MCTP1: variants seen among roughly 807,000 people sequenced by gnomAD.
MCTP1 encodes multiple C2 and transmembrane domain containing 1, also known as multiple C2 and transmembrane domain-containing protein 1.
In MCTP1, 69 loss-of-function variants were observed where a neutral mutation model predicts 120.6. The observed-to-expected ratio is 0.57, with a 90% confidence interval of 0.47 to 0.70. The LOEUF (loss-of-function observed/expected upper bound fraction) is 0.70, where lower values mean the gene tolerates loss of function less well. Ranked by LOEUF, MCTP1 falls within the 30% of genes least tolerant of loss-of-function variation. MCTP1 has a pLI of 0.00. For missense variants in MCTP1, 1,203 were observed against 1,248.8 expected (o/e 0.96, Z 0.55); for synonymous variants, 529 against 493.1 (o/e 1.07, Z -0.96).
At chr5:95,037,207 C>T (rs1471821645) in intron 1 of MCTP1, among the ~76,000 whole-genome samples, 1 of 152,176 alleles carries the variant, frequency 6.6e-6, no homozygotes, top group Admixed American at 6.5e-5. Context: ...CCAACAATTA[C>T]ACCTGGACCC....
intron 1 of MCTP1, among the ~76,000 whole-genome samples, chr5:95,086,251 T>C (rs1755435598): frequency 6.6e-6 from 1 of 152,166 alleles, no homozygotes; most frequent in Non-Finnish European, 1.5e-5. Context: ...ATCGGCTATG[T>C]ACCCCCGTAC....
At chr5:95,014,839 T>G (rs897980855) in intron 2 of MCTP1, among the ~76,000 whole-genome samples, 3 of 152,102 alleles carry the variant, frequency 2.0e-5, no homozygotes, top group Non-Finnish European at 4.4e-5. Context: ...CAGATAAACC[T>G]TTTGTGAAAG....
chr5:94,897,319 C>T (rs890366281), intron 10 of MCTP1, among the ~76,000 whole-genome samples: 1 of 151,300 alleles, frequency 6.6e-6, no homozygotes, highest in African/African-American at 2.4e-5. Flanking sequence ...AGCAATCCAC[C>T]TGGCTCGGCA....
chr5:94,833,207 T>C (rs1788962016), intron 17 of MCTP1, among the ~76,000 whole-genome samples: 1 of 152,038 alleles, frequency 6.6e-6, no homozygotes, highest in Non-Finnish European at 1.5e-5. Context: ...GTGTGCTTTT[T>C]TTTTGGCATT....
intron 1 of MCTP1, among the ~76,000 whole-genome samples, chr5:95,233,380 G>C (rs947609371): frequency 2.6e-5 from 4 of 150,972 alleles, no homozygotes; most frequent in Admixed American, 1.3e-4. Flanking sequence ...CTAGGCTGGA[G>C]TGCAGTGGCA....
chr5:94,997,352 G>A (rs1832809225), intron 2 of MCTP1, among the ~76,000 whole-genome samples: 1 of 152,044 alleles, frequency 6.6e-6, no homozygotes, highest in Non-Finnish European at 1.5e-5. Flanking sequence ...CCTTTCCTAG[G>A]AACATCAGAT....
chr5:95,116,580 A>G (rs1757840189), intron 1 of MCTP1, among the ~76,000 whole-genome samples: 1 of 151,886 alleles, frequency 6.6e-6, no homozygotes, highest in Middle Eastern at 3.2e-3. Context: ...AAGAATTCCA[A>G]TGGTAGTTTA....
intron 1 of MCTP1, among the ~76,000 whole-genome samples, chr5:95,034,797 G>A (rs1840952237): frequency 6.6e-6 from 1 of 152,018 alleles, no homozygotes; most frequent in African/African-American, 2.4e-5. Flanking sequence ...TATGGAATGG[G>A]AGAAAATATT....
intron 17 of MCTP1, among the ~76,000 whole-genome samples, chr5:94,857,782 A>T (rs1794979039): frequency 6.6e-6 from 1 of 151,702 alleles, no homozygotes; most frequent in Non-Finnish European, 1.5e-5. Context: ...ATGTATAGCA[A>T]ACTATACCTC....
intron 2 of MCTP1, among the ~76,000 whole-genome samples, chr5:94,987,250 T>C (rs1342528981): frequency 6.6e-6 from 1 of 152,162 alleles, no homozygotes; most frequent in Non-Finnish European, 1.5e-5. Flanking sequence ...TTTTATACTA[T>C]ATTTGATAGC....
intron 6 of MCTP1, 24 bp from the exon 7 acceptor site, chr5:94,924,045 T>TAC: frequency 7.4e-7 from 1 of 1,344,850 alleles, no homozygotes; most frequent in Admixed American, 2.7e-5. Context: ...AATATTTAGC[T>TAC]ACATTTTGAG....
At chr5:94,711,006 T>G in intron 20 of MCTP1, 79 bp from the exon 21 acceptor site, 1 of 955,696 alleles carries the variant, frequency 1.0e-6, no homozygotes, top group African/African-American at 1.6e-5. Flanking sequence ...GATTCTAACT[T>G]GGGACCTAGT....
Position 94,726,800 on chromosome 5 carries a change from T to C in MCTP1, c.2611-11914A>G, listed in dbSNP as rs1038394384. On this transcript the variant is annotated intron_variant, in intron 19 of 22. Transcript: ENST00000515393. ...TATAACCCATGTCTCATGGTTGAAA[T>C]TGGGCTCCTTTCAGGTCACTGTCAA... Among the ~76,000 whole-genome samples the C allele has an allele frequency of 5.3e-5, 8 of 152,306 alleles. 1 individual carries two copies. Among genetic ancestry groups the C allele is most frequent in the South Asian group, 4.1e-4 (2 of 4,826 alleles).
At chr5:95,074,030 C>T (rs955479941) in intron 1 of MCTP1, among the ~76,000 whole-genome samples, 3 of 152,090 alleles carry the variant, frequency 2.0e-5, no homozygotes, top group Admixed American at 6.5e-5. Context: ...GCAGAAGAAT[C>T]GCTTGAACCT....
At position 95,107,655 on chromosome 5, in the gene MCTP1, G is replaced by A. The variant is rs1437049884; in HGVS notation, c.721-90171C>T. Among the ~76,000 whole-genome samples the A allele has an allele frequency of 2.0e-5, 3 of 152,146 alleles. No homozygotes were observed. In the East Asian group the frequency reaches 5.8e-4, roughly 29 times the overall value. On this transcript the variant is annotated intron_variant, in intron 1 of 22. Coordinates refer to ENST00000515393, the MANE Select transcript of MCTP1 (RefSeq NM_024717.7). ...AGTTTTTAAATACCATTCCTCAGGT[G>A]CCATGTGTCCACAAATATTAATCTA...
intron 10 of MCTP1, among the ~76,000 whole-genome samples, chr5:94,903,634 A>G (rs150868132): frequency 1.3e-5 from 2 of 152,332 alleles, no homozygotes; most frequent in Admixed American, 1.3e-4. Context: ...CCTTGACTCA[A>G]GCGTACATTG....
At chr5:94,770,939 A>G (rs1409241893) in intron 19 of MCTP1, among the ~76,000 whole-genome samples, 1 of 152,178 alleles carries the variant, frequency 6.6e-6, no homozygotes, top group Non-Finnish European at 1.5e-5. Flanking sequence ...TCTTTCGCCA[A>G]GTCAGTGTTT....
intron 1 of MCTP1, among the ~76,000 whole-genome samples, chr5:95,219,647 G>C (rs970778763): frequency 3.9e-5 from 6 of 152,120 alleles, no homozygotes; most frequent in Non-Finnish European, 5.9e-5. Context: ...CCATCCCCAG[G>C]AGACACAGCA....
At chr5:94,926,313 AT>A (rs1813109862) in intron 6 of MCTP1, among the ~76,000 whole-genome samples, 1 of 152,220 alleles carries the variant, frequency 6.6e-6, no homozygotes, top group African/African-American at 2.4e-5. Context: ...AGTATTCCTG[AT>A]TACAAAAGCA....
Sources: allele counts gnomAD v4.1 joint callset (sites outside exome capture counted in the v4.1 genomes callset), GRCh38; gene constraint gnomAD v4.1.1; transcripts MANE v1.5; gene names NCBI Gene and HGNC (gene_info 2026-07-23, HGNC 2026-07-21).